GALNT9: variants seen among roughly 807,000 people sequenced by gnomAD.
GALNT9 encodes GalNAc transferase 9.
Under a neutral mutation model 63.1 loss-of-function variants are expected in GALNT9, and 47 were observed. The ratio of observed to expected loss-of-function variants is 0.75; its 90% CI spans 0.59 to 0.95. The LOEUF is 0.95. Among genes scored for constraint, GALNT9 ranks in the 40% least tolerant of loss-of-function variants. The pLI is 0.00. For synonymous variants in GALNT9, 396 were observed against 365.7 expected, an observed-to-expected ratio of 1.08 and a Z score of -0.94; for missense variants, 829 against 874.8, an observed-to-expected ratio of 0.95 and a Z score of 0.66.
chr12:132,326,250 G>A (rs976743437), intron 1 of GALNT9, among the ~76,000 whole-genome samples: 5 of 152,236 alleles, frequency 3.3e-5, no homozygotes, highest in Admixed American at 6.5e-5. Context: ...TGTCTGCTGC[G>A]CACAAAACCA....
At position 132,315,829 on chromosome 12, in the gene GALNT9, C is replaced by G. The variant is rs1323989187; in HGVS notation, c.238+13137G>C. On this transcript the variant is annotated intron_variant, in intron 1 of 10. Transcript: ENST00000328957. This position sits in a 1 kb window ranked among gnomAD's most constrained non-coding sequence, Gnocchi z 6.1. ...ACCGCGTCACACAGGGTGTGAGTGACACGGCCTCAGGGGAAGACCCCTCTA... is the reference window on the plus strand; with the variant it reads ...ACCGCGTCACACAGGGTGTGAGTGAGACGGCCTCAGGGGAAGACCCCTCTA... 6.6e-6 allele frequency among the ~76,000 whole-genome samples: 1 copy of G among 152,212 alleles called. No homozygotes were observed. The highest frequency in any genetic ancestry group is 1.9e-4 in the East Asian group (1 of 5,204).
chr12:132,240,371 T>G (rs2136898175), intron 6 of GALNT9: 1 of 351,810 alleles, frequency 2.8e-6, no homozygotes, highest in Admixed American at 3.8e-5. Context: ...GTACACCCCA[T>G]GCTGGCCAGG....
chr12:132,207,184 G>A (rs1876746788), intron 6 of GALNT9, among the ~76,000 whole-genome samples: 1 of 152,172 alleles, frequency 6.6e-6, no homozygotes, highest in Non-Finnish European at 1.5e-5. Flanking sequence ...CGGACCAGAG[G>A]CTCACACCCC....
Position 132,236,821 on chromosome 12 carries a change from G to A in GALNT9, c.1077+11089C>T, listed in dbSNP as rs1217155487. On this transcript the variant is annotated intron_variant, in intron 6 of 10. Transcript: ENST00000328957. The surrounding 1 kb of genome is among the most constrained non-coding windows in gnomAD (Gnocchi z 5.6). The stretch of plus-strand genomic sequence containing the variant: ...CCTGTGGTCTATCCTGGGCATGGCG[G>A]CCCCTCATGCCCGTTTTCCCAGGGT... 3.3e-5 allele frequency among the ~76,000 whole-genome samples: 5 copies of A among 152,148 alleles called. No homozygotes were observed. Among genetic ancestry groups the A allele is most frequent in the African/African-American group, 1.2e-4 (5 of 41,434 alleles).
intron 1 of GALNT9, among the ~76,000 whole-genome samples, chr12:132,322,811 T>A (rs974509710): frequency 2.0e-5 from 3 of 152,200 alleles, no homozygotes; most frequent in African/African-American, 7.2e-5. Flanking sequence ...TGGCACCTTT[T>A]AAACGACTGG....
chr12:132,239,325 GAGAGAGACAGAGTC>G (rs1429225588), intron 6 of GALNT9, among the ~76,000 whole-genome samples: 2 of 104,872 alleles, frequency 1.9e-5, no homozygotes, highest in African/African-American at 7.9e-5. Flanking sequence ...GAGACTGAGA[GAGAGAGACAGAGTC>G]AGAGACAGAG....
intron 6 of GALNT9, among the ~76,000 whole-genome samples, chr12:132,217,060 C>T (rs1877225663): frequency 6.6e-6 from 1 of 152,152 alleles, no homozygotes; most frequent in African/African-American, 2.4e-5. Flanking sequence ...TCAAGCCCAC[C>T]TCTCTTCCAT....
At chr12:132,253,080 G>A (rs1214318741) in intron 5 of GALNT9, among the ~76,000 whole-genome samples, 2 of 152,182 alleles carry the variant, frequency 1.3e-5, no homozygotes, top group African/African-American at 4.8e-5. Flanking sequence ...GGCAGCAAAT[G>A]TCAGCGTTTT....
intron 5 of GALNT9, among the ~76,000 whole-genome samples, chr12:132,256,175 A>G (rs1879102511): frequency 6.6e-6 from 1 of 152,032 alleles, no homozygotes; most frequent in Admixed American, 6.6e-5. Context: ...TCCAGCAGAG[A>G]ACACTGCTGC....
At chr12:132,254,492 C>T (rs1162360217) in intron 5 of GALNT9, among the ~76,000 whole-genome samples, 1 of 152,178 alleles carries the variant, frequency 6.6e-6, no homozygotes, top group Non-Finnish European at 1.5e-5. Flanking sequence ...TGACAGGGCT[C>T]ATGTCTCTGA....
chr12:132,303,907 ACCCAGACACAGCCTCG>A (rs1303447057), intron 1 of GALNT9, among the ~76,000 whole-genome samples: 3 of 48,474 alleles, frequency 6.2e-5, no homozygotes, highest in African/African-American at 8.0e-5. Flanking sequence ...GCACACCCTC[ACCCAGACACAGCCTCG>A]CCCAGACACA....
In GALNT9 at chr12:132,246,078, C is replaced by G. The variant is rs1712992986; in HGVS notation, c.1077+1832G>C. 6.6e-6 allele frequency among the ~76,000 whole-genome samples: 1 copy of G among 152,234 alleles called. No homozygotes were observed. Among genetic ancestry groups the G allele is most frequent in the Non-Finnish European group, 1.5e-5 (1 of 68,036 alleles). ...ACTGCTGGCCTGGTCTCCTGCCCCA[C>G]AGGGTGAGCATCAGGGGAGACGGTG... On this transcript the variant is annotated intron_variant, in intron 6 of 10. Coordinates refer to ENST00000328957, the MANE Select transcript of GALNT9 (RefSeq NM_001122636.2). This position sits in a 1 kb window ranked among gnomAD's most constrained non-coding sequence, Gnocchi z 4.7.
At chr12:132,200,435 G>A (rs1171264877) in intron 8 of GALNT9, 1 of 152,262 alleles carries the variant, frequency 6.6e-6, no homozygotes, top group East Asian at 1.9e-4. Flanking sequence ...GCATCTGTGG[G>A]GGCACCTTCA....
intron 1 of GALNT9, among the ~76,000 whole-genome samples, chr12:132,294,190 T>C (rs1176440349): frequency 1.3e-5 from 2 of 152,158 alleles, no homozygotes; most frequent in African/African-American, 2.4e-5. Context: ...GTCTTCACCA[T>C]TGACCTCCCC....
At chr12:132,197,366 C>T in intron 10 of GALNT9, 113 bp from the exon 11 acceptor site, 1 of 1,468,000 alleles carries the variant, frequency 6.8e-7, no homozygotes, top group Non-Finnish European at 9.1e-7. Context: ...CTTGGGGCAG[C>T]TTGAATGGAA....
intron 1 of GALNT9, among the ~76,000 whole-genome samples, chr12:132,308,690 A>T (rs922593188): frequency 6.6e-6 from 1 of 152,020 alleles, no homozygotes; most frequent in African/African-American, 2.4e-5. Flanking sequence ...CCATCCTGTA[A>T]TCCTCACACT....
chr12:132,221,053 A>C (rs1488916528), intron 6 of GALNT9, among the ~76,000 whole-genome samples: 1 of 9,064 alleles, frequency 1.1e-4, no homozygotes, highest in Middle Eastern at 0.029. Flanking sequence ...GATTGTGTCA[A>C]AAAAAAAAAA....
At position 132,267,123 on chromosome 12, in the gene GALNT9, G is replaced by A. The variant is rs542326873; in HGVS notation, c.420-4498C>T. ...GAGAGGGATGGAAGTGGGAAAAGCC[G>A]GCTTGTCTCACAAAAAAGAAGACAC... On this transcript the variant is annotated intron_variant, in intron 2 of 10. Transcript: ENST00000328957. Among the ~76,000 whole-genome samples, 7 of 152,316 alleles carry A rather than the reference G, an allele frequency of 4.6e-5. No homozygotes were observed. In the South Asian group the frequency reaches 8.3e-4, roughly 18 times the overall value.
intron 6 of GALNT9, among the ~76,000 whole-genome samples, chr12:132,228,421 T>G (rs905289672): frequency 6.8e-6 from 1 of 147,700 alleles, no homozygotes; most frequent in Non-Finnish European, 1.5e-5. Context: ...CGTCAGCACC[T>G]CCTCGCTCCC....
Sources: allele counts gnomAD v4.1 joint callset (sites outside exome capture counted in the v4.1 genomes callset), GRCh38; gene constraint gnomAD v4.1.1; non-coding constraint Gnocchi (gnomAD v3.1); transcripts MANE v1.5; gene names NCBI Gene and HGNC (gene_info 2026-07-23, HGNC 2026-07-21).